The following DDX4 variants were observed in gnomAD, a reference collection of about 807,000 sequenced individuals.
The protein encoded by DDX4 is DEAD-box helicase 4.
Under a neutral mutation model 100.0 loss-of-function variants are expected in DDX4, and 25 were observed. The ratio of observed to expected loss-of-function variants is 0.25; its 90% confidence interval spans 0.18 to 0.35. The LOEUF (loss-of-function observed/expected upper bound fraction) is 0.35, where lower values mean the gene tolerates loss of function less well. DDX4 is among the 10% of genes least tolerant of loss of function. DDX4 has a pLI of 1.00. For synonymous variants in DDX4, 259 were observed against 275.7 expected, an observed-to-expected ratio of 0.94 and a Z score of 0.60; for missense variants, 635 against 882.4, an observed-to-expected ratio of 0.72 and a Z score of 3.55.
intron 17 of DDX4, among the ~76,000 whole-genome samples, chr5:55,795,096 G>T (rs1206242053): frequency 6.6e-6 from 1 of 151,954 alleles, no homozygotes; most frequent in South Asian, 2.1e-4. Flanking sequence ...CTCCTGAGTG[G>T]CTGGGATTAC....
rs749568181 is a variant in DDX4, at chr5:55,785,353, TC to T, written c.673+11del. 24 of 1,603,696 alleles carry T rather than the reference TC, an allele frequency of 1.5e-5. No individual in the cohort carries two copies. In the African/African-American group the frequency reaches 3.2e-4, roughly 21 times the overall value. ...AACAGGCTCTGGAAAGAGTAAGTTTTCCTTAAACAAGGTGTTTGATTTTTAT... is the reference window on the plus strand; with the variant it reads ...AACAGGCTCTGGAAAGAGTAAGTTTTCTTAAACAAGGTGTTTGATTTTTAT... On this transcript the variant is annotated intron_variant, in intron 11 of 21. Transcript: ENST00000505374.
intron 6 of DDX4, chr5:55,766,981 G>A: frequency 6.5e-7 from 1 of 1,533,312 alleles, no homozygotes; most frequent in Non-Finnish European, 8.7e-7. Context: ...TTTTCAGGCA[G>A]CCTTCAGTAT....
At chr5:55,806,838 G>A (rs1179891301) in intron 18 of DDX4, among the ~76,000 whole-genome samples, 1 of 152,188 alleles carries the variant, frequency 6.6e-6, no homozygotes, top group Non-Finnish European at 1.5e-5. Flanking sequence ...ATGTCTGTTA[G>A]GTCCACTTGG....
chr5:55,746,150 C>T lies in DDX4; in HGVS notation c.70-14C>T, dbSNP rs778942657. Reference sequence around the variant, plus strand: ...AAAGTAGGAAACTAGTTTTTTCTTTCTTCTTTCTCACAGGATAGGTATTCT... The same window carrying T: ...AAAGTAGGAAACTAGTTTTTTCTTTTTTCTTTCTCACAGGATAGGTATTCT... On this transcript the variant is annotated splice_polypyrimidine_tract_variant and intron_variant, in intron 2 of 21. Transcript: ENST00000505374. 8.6e-5 allele frequency: 136 copies of T among 1,588,152 alleles called. No individual in the cohort carries two copies. The highest frequency in any genetic ancestry group is 1.0e-4 in the Non-Finnish European group (120 of 1,171,848).
chr5:55,740,973 C>T (rs150702931), intron 2 of DDX4, among the ~76,000 whole-genome samples: 1 of 151,918 alleles, frequency 6.6e-6, no homozygotes, highest in African/African-American at 2.4e-5. Context: ...TAATTTTTTT[C>T]AAAAATGGAA....
At position 55,761,093 on chromosome 5, in the gene DDX4, T is replaced by C. The variant is rs867246697; in HGVS notation, c.205+816T>C. Among the ~76,000 whole-genome samples, 3 of 152,176 alleles carry C rather than the reference T, an allele frequency of 2.0e-5. No individual in the cohort carries two copies. The South Asian group carries it at 6.2e-4, about 32-fold the overall frequency. ...TTGACATTTGGAAAATTTAATTTCT[T>C]TAGATACAATAAACACAAATTTGAG... On this transcript the variant is annotated intron_variant, in intron 4 of 21. Coordinates refer to ENST00000505374, the MANE Select transcript of DDX4 (RefSeq NM_024415.3).
At chr5:55,797,942 G>A (rs1743065856) in intron 17 of DDX4, among the ~76,000 whole-genome samples, 1 of 152,066 alleles carries the variant, frequency 6.6e-6, no homozygotes, top group African/African-American at 2.4e-5. Context: ...CCTAAGATCT[G>A]GTTTGCTTGA....
At chr5:55,781,573 T>G (rs566062105) in intron 9 of DDX4, among the ~76,000 whole-genome samples, 1 of 152,172 alleles carries the variant, frequency 6.6e-6, no homozygotes, top group Admixed American at 6.5e-5. Context: ...GGCCAGGAGT[T>G]CGACACCAGC....
At chr5:55,810,177 T>G (rs1744039732) in intron 18 of DDX4, among the ~76,000 whole-genome samples, 1 of 152,118 alleles carries the variant, frequency 6.6e-6, no homozygotes. Context: ...TGATCTTGGC[T>G]CACTGCAGCC....
chr5:55,775,440 C>T (rs1434200170), intron 7 of DDX4, among the ~76,000 whole-genome samples: 1 of 152,080 alleles, frequency 6.6e-6, no homozygotes, highest in East Asian at 1.9e-4. Context: ...AGAAAAAATT[C>T]CCTGGGTTGC....
chr5:55,752,171 AT>A (rs1197042058), intron 3 of DDX4, among the ~76,000 whole-genome samples: 4 of 151,706 alleles, frequency 2.6e-5, no homozygotes, highest in South Asian at 2.1e-4. Flanking sequence ...TTATTTATTA[AT>A]TTTTTTCTTT....
chr5:55,797,946 T>G (rs1161594631), intron 17 of DDX4, among the ~76,000 whole-genome samples: 1 of 152,244 alleles, frequency 6.6e-6, no homozygotes, highest in African/African-American at 2.4e-5. Context: ...AGATCTGGTT[T>G]GCTTGAAATC....
Position 55,779,977 on chromosome 5 carries a change from A to G in DDX4, c.408A>G (p.Gly136=), listed in dbSNP as rs1023198701. 3 of 1,613,706 alleles carry G rather than the reference A, an allele frequency of 1.9e-6. No individual in the cohort carries two copies. The highest frequency in any genetic ancestry group is 1.3e-5 in the African/African-American group (1 of 75,022). The change falls in exon 8 of 22, where the codon GGA becomes GGG. Residue 136 remains glycine (G), a synonymous_variant. Coordinates refer to ENST00000505374, the MANE Select transcript of DDX4 (RefSeq NM_024415.3). ...TTAACATTATAGGCTATCGAGATGGAAATAATTCAGAAGCTTCAGGGCCAT... is the reference window on the plus strand; with the variant it reads ...TTAACATTATAGGCTATCGAGATGGGAATAATTCAGAAGCTTCAGGGCCAT... ...GFSKRGGYRD[G]NNSEASGPYR... is the part of the protein sequence containing the mutation.
At chr5:55,762,689 G>A (rs374599714) in intron 4 of DDX4, among the ~76,000 whole-genome samples, 1 of 152,108 alleles carries the variant, frequency 6.6e-6, no homozygotes. Flanking sequence ...GAGGCCAGGA[G>A]GGGAGTGGTA....
intron 2 of DDX4, among the ~76,000 whole-genome samples, chr5:55,745,691 G>T (rs1333966940): frequency 6.6e-6 from 1 of 152,176 alleles, no homozygotes. Flanking sequence ...CCACAGTGCT[G>T]GGATTACATA....
rs114474702 is a variant in DDX4 at position 55,787,511 on chromosome 5, C to T, written c.1018-335C>T. Reference sequence around the variant, plus strand: ...AAAGGACTAACTTAGAGTAATTGTTCACTGTAATGATTTGCAGCGATTACA... The same window carrying T: ...AAAGGACTAACTTAGAGTAATTGTTTACTGTAATGATTTGCAGCGATTACA... On this transcript the variant is annotated intron_variant, in intron 14 of 21. Coordinates refer to ENST00000505374, the MANE Select transcript of DDX4 (RefSeq NM_024415.3). Among the ~76,000 whole-genome samples, 525 of 152,228 alleles carry T rather than the reference C, an allele frequency of 3.4e-3. 4 individuals are homozygous for T. The highest frequency in any genetic ancestry group is 0.012 in the African/African-American group (502 of 41,548).
At chr5:55,761,891 T>A (rs1268727753) in intron 4 of DDX4, among the ~76,000 whole-genome samples, 1 of 152,170 alleles carries the variant, frequency 6.6e-6, no homozygotes, top group Non-Finnish European at 1.5e-5. Flanking sequence ...ATTATAGACG[T>A]GAGCCACCAC....
intron 9 of DDX4, 116 bp downstream of exon 9, chr5:55,781,262 CT>C: frequency 2.8e-6 from 2 of 717,030 alleles, no homozygotes; most frequent in Non-Finnish European, 4.3e-6. Context: ...ATTTTCTCTG[CT>C]TTTAGATCTG....
rs1744447073 is a variant in DDX4 at position 55,816,831 on chromosome 5, T to A, written c.*291T>A. Reference sequence around the variant, plus strand: ...GGCTTAGACATGTTTAATGTTTAAATGCCAAGTCTTACTATAGTGTTTATT... The same window carrying A: ...GGCTTAGACATGTTTAATGTTTAAAAGCCAAGTCTTACTATAGTGTTTATT... On this transcript the variant is annotated 3_prime_UTR_variant, in exon 22 of 22. Coordinates refer to ENST00000505374, the MANE Select transcript of DDX4 (RefSeq NM_024415.3). 1 of 319,374 alleles carries A rather than the reference T, an allele frequency of 3.1e-6. No homozygotes were observed. The highest frequency in any genetic ancestry group is 2.1e-5 in the African/African-American group (1 of 46,538). The allele number at this position is 319,374 out of a possible 1,614,324, so 19.8% of individuals were successfully genotyped here. A position where few individuals can be genotyped will look rare whatever the true frequency, so the allele number is the denominator to read the frequency against.
Sources: allele counts gnomAD v4.1 joint callset (sites outside exome capture counted in the v4.1 genomes callset), GRCh38; gene constraint gnomAD v4.1.1; transcripts MANE v1.5; gene names NCBI Gene and HGNC (gene_info 2026-07-23, HGNC 2026-07-21).